GHR: variants seen among roughly 807,000 people sequenced by gnomAD.
GHR encodes growth hormone receptor, also known as GH receptor.
A neutral mutation model predicts 67.1 loss-of-function variants in GHR; 35 were observed. The ratio of observed to expected loss-of-function variants is 0.52; its 90% CI spans 0.40 to 0.69. GHR has a LOEUF of 0.69. Ranked by LOEUF, GHR falls within the 30% of genes least tolerant of loss-of-function variation. GHR has a pLI of 0.00. For synonymous variants in GHR, 272 were observed against 269.1 expected (o/e 1.01, Z -0.10); for missense variants, 792 against 764.6 (o/e 1.04, Z -0.42).
chr5:42,521,737 C>T (rs1747483795), intron 1 of GHR, among the ~76,000 whole-genome samples: 1 of 152,054 alleles, frequency 6.6e-6, no homozygotes, highest in South Asian at 2.1e-4. Flanking sequence ...AGAATATTGA[C>T]TTCTTATTTT....
At chr5:42,591,168 C>T (rs1347631015) in intron 2 of GHR, among the ~76,000 whole-genome samples, 2 of 152,180 alleles carry the variant, frequency 1.3e-5, no homozygotes, top group South Asian at 2.1e-4. Context: ...TTTTGGCAGC[C>T]GAGGAAACAG....
intron 3 of GHR, among the ~76,000 whole-genome samples, chr5:42,674,006 A>C (rs1307536053): frequency 2.0e-5 from 3 of 152,142 alleles, no homozygotes; most frequent in Admixed American, 6.6e-5. Flanking sequence ...AACATTCAAT[A>C]ATTATTTTAA....
chr5:42,698,107 G>T (rs1012309453), intron 5 of GHR, among the ~76,000 whole-genome samples: 2 of 152,138 alleles, frequency 1.3e-5, no homozygotes, highest in African/African-American at 4.8e-5. Flanking sequence ...GTTTTGGAGA[G>T]GAAGAGCAAG....
chr5:42,682,650 T>A (rs779474312), intron 3 of GHR, among the ~76,000 whole-genome samples: 1 of 152,216 alleles, frequency 6.6e-6, no homozygotes, highest in Non-Finnish European at 1.5e-5. Context: ...ATATAGTTCT[T>A]CTTGCCTCCA....
intron 2 of GHR, among the ~76,000 whole-genome samples, chr5:42,621,475 A>C (rs528485116): frequency 4.6e-5 from 7 of 152,224 alleles, no homozygotes; most frequent in Admixed American, 2.0e-4. Flanking sequence ...ACCAAGCAGA[A>C]CACTGCTAGA....
At chr5:42,575,232 T>C (rs12654494) in intron 2 of GHR, among the ~76,000 whole-genome samples, 1 of 152,168 alleles carries the variant, frequency 6.6e-6, no homozygotes, top group Non-Finnish European at 1.5e-5. Context: ...CTGATTCTTG[T>C]CTCCTTCTTC....
At position 42,713,526 on chromosome 5, in the gene GHR, G is replaced by A. The variant is rs200839361; in HGVS notation, c.875+7G>A. 26 of 1,143,490 alleles carry A rather than the reference G, an allele frequency of 2.3e-5. No individual in the cohort carries two copies. In the East Asian group the frequency reaches 6.1e-4, roughly 27 times the overall value. 70.8% of individuals were successfully genotyped at this position (1,143,490 alleles called of 1,614,324 possible). A position where few individuals can be genotyped will look rare whatever the true frequency, so the allele number is the denominator to read the frequency against. On this transcript the variant is annotated splice_region_variant and intron_variant, in intron 8 of 9. Transcript: ENST00000230882. ...TATTTTCTAAACAGCAAAGGTAGGT[G>A]TGGAGTAGTATTCTTTGGTATTTTG...
chr5:42,666,817 G>A (rs752824915), intron 3 of GHR, among the ~76,000 whole-genome samples: 17 of 152,130 alleles, frequency 1.1e-4, no homozygotes, highest in Non-Finnish European at 2.4e-4. Context: ...TGAAAGTTGT[G>A]TCTCTCTAAA....
At chr5:42,502,877 A>C (rs1746599611) in intron 1 of GHR, among the ~76,000 whole-genome samples, 1 of 150,128 alleles carries the variant, frequency 6.7e-6, no homozygotes, top group African/African-American at 2.4e-5. Context: ...ACATATGTAT[A>C]ATTTATGTTT....
chr5:42,487,568 C>G (rs1251588894), intron 1 of GHR, among the ~76,000 whole-genome samples: 1 of 152,132 alleles, frequency 6.6e-6, no homozygotes, highest in African/African-American at 2.4e-5. Flanking sequence ...TGAGAAATCC[C>G]TACAAATCAA....
intron 1 of GHR, among the ~76,000 whole-genome samples, chr5:42,500,933 CA>C (rs1180968428): frequency 6.6e-6 from 1 of 151,962 alleles, no homozygotes; most frequent in African/African-American, 2.4e-5. Context: ...GAATAACTTA[CA>C]ATGAAAACAA....
chr5:42,689,064 C>T (rs752664268), intron 4 of GHR, 45 bp downstream of exon 4: 2 of 1,539,914 alleles, frequency 1.3e-6, no homozygotes, highest in East Asian at 4.5e-5. Flanking sequence ...ATGGATGTAC[C>T]TACTAAAGTA....
chr5:42,529,842 T>C (rs982898049), intron 1 of GHR, among the ~76,000 whole-genome samples: 7 of 152,158 alleles, frequency 4.6e-5, no homozygotes, highest in Non-Finnish European at 8.8e-5. Context: ...ACCTAGGGGA[T>C]GGTCTTCAGT....
At position 42,579,138 on chromosome 5, in the gene GHR, GATGATAGATAGATAT is replaced by G. The variant is rs1561138930; in HGVS notation, c.70+13196_70+13210del. On this transcript the variant is annotated intron_variant, in intron 2 of 9. Coordinates refer to ENST00000230882, the MANE Select transcript of GHR (RefSeq NM_000163.5). Reference sequence around the variant, plus strand: ...AGATAGATAGATAGATAGATAGATAGATGATAGATAGATATAGATAGATAGATAGATAGATAGATA... The same window carrying G: ...AGATAGATAGATAGATAGATAGATAGAGATAGATAGATAGATAGATAGATA... 6.3e-4 allele frequency among the ~76,000 whole-genome samples: 28 copies of G among 44,638 alleles called. 1 individual carries two copies. Among genetic ancestry groups the G allele is most frequent in the African/African-American group, 2.4e-3 (28 of 11,628 alleles). 29.3% of individuals were successfully genotyped at this position (44,638 alleles called of 152,430 possible).
chr5:42,589,845 A>G (rs1751681192), intron 2 of GHR, among the ~76,000 whole-genome samples: 1 of 152,212 alleles, frequency 6.6e-6, no homozygotes, highest in Non-Finnish European at 1.5e-5. Context: ...TTACCATTAC[A>G]TGGAAAGAGC....
intron 3 of GHR, among the ~76,000 whole-genome samples, chr5:42,678,128 T>C (rs1023875812): frequency 2.0e-5 from 3 of 152,182 alleles, no homozygotes; most frequent in African/African-American, 7.2e-5. Context: ...TATCCCCATT[T>C]TACAGGTGAG....
At chr5:42,707,145 A>T (rs937093518) in intron 6 of GHR, among the ~76,000 whole-genome samples, 2 of 152,092 alleles carry the variant, frequency 1.3e-5, no homozygotes, top group South Asian at 4.1e-4. Flanking sequence ...GTGTGTGGCT[A>T]TAATAGGCTA....
At chr5:42,521,669 G>A (rs553830003) in intron 1 of GHR, among the ~76,000 whole-genome samples, 1 of 152,076 alleles carries the variant, frequency 6.6e-6, no homozygotes, top group Admixed American at 6.5e-5. Context: ...ATATTACTTT[G>A]GCTTATTTTC....
intron 1 of GHR, chr5:42,549,972 T>C (rs1484519610): frequency 4.7e-6 from 1 of 213,582 alleles, no homozygotes; most frequent in African/African-American, 2.3e-5. Flanking sequence ...GAACTCACCC[T>C]CATTCAGGGA....
Sources: allele counts gnomAD v4.1 joint callset (sites outside exome capture counted in the v4.1 genomes callset), GRCh38; gene constraint gnomAD v4.1.1; transcripts MANE v1.5; gene names NCBI Gene and HGNC (gene_info 2026-07-23, HGNC 2026-07-21).